The following STT3B variants were observed in gnomAD, a reference collection of about 807,000 sequenced individuals.
STT3B encodes the protein STT3 oligosaccharyltransferase complex catalytic subunit B.
A neutral mutation model predicts 96.8 loss-of-function variants in STT3B; 29 were observed. That is an observed-to-expected ratio of 0.30 (90% CI 0.22 to 0.41). The LOEUF (loss-of-function observed/expected upper bound fraction) is 0.41. Among genes scored for constraint, STT3B ranks in the 10% least tolerant of loss-of-function variants. The pLI, the probability that STT3B is intolerant of heterozygous loss-of-function variation, is 1.00. For missense variants in STT3B, 640 were observed against 1,022.3 expected (o/e 0.63, Z 5.10); for synonymous variants, 367 against 360.0 (o/e 1.02, Z -0.22).
At position 31,626,156 on chromosome 3, in the gene STT3B, G is replaced by C. The variant is rs199571687; in HGVS notation, c.2073+29G>C. The C allele has an allele frequency of 1.5e-4, 233 of 1,583,050 alleles. No individual in the cohort carries two copies. In the African/African-American group the frequency reaches 2.6e-3, roughly 18 times the overall value. ...AGAAACTAGATAATTCCAGGTATGT[G>C]AAAGATAGCTCACTGTGTCCTCGTA... On this transcript the variant is annotated intron_variant, in intron 13 of 15. Coordinates refer to ENST00000295770, the MANE Select transcript of STT3B (RefSeq NM_178862.3).
intron 1 of STT3B, among the ~76,000 whole-genome samples, chr3:31,557,153 A>C (rs1697739034): frequency 6.6e-6 from 1 of 152,152 alleles, no homozygotes; most frequent in African/African-American, 2.4e-5. Context: ...TCCTTTCCCC[A>C]GTGTTCGTTC....
chr3:31,566,764 T>C (rs890279876), intron 1 of STT3B, among the ~76,000 whole-genome samples: 1 of 152,196 alleles, frequency 6.6e-6, no homozygotes, highest in African/African-American at 2.4e-5. Context: ...TCTGAATCTT[T>C]TCTCCTCTAC....
intron 1 of STT3B, among the ~76,000 whole-genome samples, chr3:31,542,058 G>T (rs1351958012): frequency 6.6e-6 from 1 of 152,162 alleles, no homozygotes; most frequent in East Asian, 1.9e-4. Context: ...GAGTAACTTT[G>T]ACAACTTTGT....
intron 1 of STT3B, among the ~76,000 whole-genome samples, chr3:31,556,134 G>A (rs1373427305): frequency 1.3e-5 from 2 of 150,250 alleles, no homozygotes; most frequent in Non-Finnish European, 3.0e-5. Flanking sequence ...CCGTTCCCAC[G>A]AATGAGTGAG....
At chr3:31,547,320 A>G (rs1335907822) in intron 1 of STT3B, among the ~76,000 whole-genome samples, 1 of 152,228 alleles carries the variant, frequency 6.6e-6, no homozygotes, top group Admixed American at 6.5e-5. Context: ...TAGAAGCCAG[A>G]GATTTATAAT....
At chr3:31,625,662 T>C (rs561687040) in intron 12 of STT3B, among the ~76,000 whole-genome samples, 1 of 152,352 alleles carries the variant, frequency 6.6e-6, no homozygotes. Context: ...TTGTGAGAAG[T>C]TGTTTTTTCT....
At chr3:31,594,908 G>A (rs947942509) in intron 3 of STT3B, among the ~76,000 whole-genome samples, 2 of 152,282 alleles carry the variant, frequency 1.3e-5, no homozygotes, top group Middle Eastern at 3.4e-3. Context: ...GAGTTGGGGT[G>A]CACCACCATC....
intron 3 of STT3B, among the ~76,000 whole-genome samples, chr3:31,591,709 C>G (rs890481579): frequency 1.3e-5 from 2 of 151,898 alleles, no homozygotes; most frequent in African/African-American, 4.8e-5. Flanking sequence ...TGTTATCTAC[C>G]TAACAATACA....
At chr3:31,560,917 T>A (rs1490334238) in intron 1 of STT3B, among the ~76,000 whole-genome samples, 1 of 152,264 alleles carries the variant, frequency 6.6e-6, no homozygotes, top group East Asian at 1.9e-4. Flanking sequence ...TGTTGTCTTT[T>A]ATGAAGACTT....
At chr3:31,552,461 T>C (rs896609602) in intron 1 of STT3B, among the ~76,000 whole-genome samples, 2 of 152,200 alleles carry the variant, frequency 1.3e-5, no homozygotes, top group Non-Finnish European at 2.9e-5. Context: ...ACATTGTCTT[T>C]TTAGGAATCC....
intron 1 of STT3B, among the ~76,000 whole-genome samples, chr3:31,563,868 C>T (rs912322141): frequency 6.6e-6 from 1 of 151,998 alleles, no homozygotes; most frequent in Admixed American, 6.6e-5. Context: ...GTAGTGGGCG[C>T]GATCTTGGCT....
At chr3:31,608,596 C>A (rs1699110479) in intron 5 of STT3B, among the ~76,000 whole-genome samples, 1 of 152,124 alleles carries the variant, frequency 6.6e-6, no homozygotes. Context: ...TTGGCCTGAT[C>A]AAAAAGGCTT....
chr3:31,553,101 CAAA>C (rs558668757), intron 1 of STT3B, among the ~76,000 whole-genome samples: 5 of 63,096 alleles, frequency 7.9e-5, no homozygotes, highest in Admixed American at 1.9e-4. Flanking sequence ...AACTCCGTCT[CAAA>C]AAAAAAAAAA....
intron 1 of STT3B, among the ~76,000 whole-genome samples, chr3:31,535,041 A>G (rs1697052637): frequency 6.6e-6 from 1 of 152,220 alleles, no homozygotes; most frequent in Non-Finnish European, 1.5e-5. Flanking sequence ...TTCAGATTAA[A>G]ATAGCAGAAA....
intron 12 of STT3B, 145 bp downstream of exon 12, chr3:31,625,230 G>A: frequency 3.2e-6 from 2 of 619,168 alleles, no homozygotes; most frequent in South Asian, 3.5e-5. Context: ...GTTCAATAAA[G>A]TGAGTTCAAG....
At position 31,533,313 on chromosome 3, in the gene STT3B, G is replaced by C; in HGVS notation, c.314+1G>C. 1 of 1,526,160 alleles carries C rather than the reference G, an allele frequency of 6.6e-7. No homozygotes were observed. Among genetic ancestry groups the C allele is most frequent in the South Asian group, 1.2e-5 (1 of 83,018 alleles). 94.5% of individuals were successfully genotyped at this position (1,526,160 alleles called of 1,614,324 possible). ...GCATCATCCACGAGTTCGACCCGTG[G>C]TAAGTGCCTCGCCGCCCCTCCCCCG... On this transcript the variant is annotated splice_donor_variant, in intron 1 of 15. Transcript: ENST00000295770. LOFTEE classifies it high-confidence loss of function.
intron 4 of STT3B, among the ~76,000 whole-genome samples, chr3:31,599,173 TTC>T (rs1424042999): frequency 6.6e-6 from 1 of 152,142 alleles, no homozygotes; most frequent in Non-Finnish European, 1.5e-5. Context: ...TTATTCTTCT[TTC>T]TCTTTTTTTC....
chr3:31,541,941 C>G (rs988298982), intron 1 of STT3B, among the ~76,000 whole-genome samples: 1 of 152,036 alleles, frequency 6.6e-6, no homozygotes, highest in South Asian at 2.1e-4. Context: ...TCTTTTATAG[C>G]GGGAGGTGCC....
At chr3:31,614,017 T>C (rs1261628054) in intron 5 of STT3B, among the ~76,000 whole-genome samples, 1 of 151,984 alleles carries the variant, frequency 6.6e-6, no homozygotes, top group African/African-American at 2.4e-5. Flanking sequence ...ATCATATAGA[T>C]TGTGAGGCAA....
Sources: allele counts gnomAD v4.1 joint callset (sites outside exome capture counted in the v4.1 genomes callset), GRCh38; gene constraint gnomAD v4.1.1; transcripts MANE v1.5; gene names NCBI Gene and HGNC (gene_info 2026-07-23, HGNC 2026-07-21).